The following CTTN variants were observed in gnomAD, a reference collection of about 807,000 sequenced individuals.
CTTN encodes the protein cortactin.
CTTN carries 28 observed loss-of-function variants against 84.0 expected under a neutral mutation model. The observed-to-expected ratio is 0.33, with a 90% CI of 0.25 to 0.46. The LOEUF is 0.46. CTTN is among the 20% of genes least tolerant of loss of function. The pLI is 1.00. For synonymous variants in CTTN, 301 were observed against 288.8 expected, an observed-to-expected ratio of 1.04 and a Z score of -0.43; for missense variants, 641 against 723.8, an observed-to-expected ratio of 0.89 and a Z score of 1.31.
intron 13 of CTTN, among the ~76,000 whole-genome samples, chr11:70,428,728 G>A (rs569282145): frequency 3.7e-4 from 56 of 152,378 alleles, no homozygotes; most frequent in Non-Finnish European, 5.1e-4. Flanking sequence ...GCTTTATCAA[G>A]GACAGATGTC....
intron 13 of CTTN, among the ~76,000 whole-genome samples, chr11:70,427,982 C>T (rs1416680062): frequency 6.6e-6 from 1 of 152,050 alleles, no homozygotes; most frequent in Non-Finnish European, 1.5e-5. Flanking sequence ...TGCCAGATAC[C>T]CAGCTTTGCA....
chr11:70,419,060 C>A (rs1393366168), intron 8 of CTTN, among the ~76,000 whole-genome samples: 1 of 151,290 alleles, frequency 6.6e-6, no homozygotes, highest in Non-Finnish European at 1.5e-5. Flanking sequence ...CAGGTGTGAG[C>A]CACTGTGTCC....
At chr11:70,408,238 GA>G (rs1483232825) in intron 4 of CTTN, 2 of 152,200 alleles carry the variant, frequency 1.3e-5, no homozygotes, top group Non-Finnish European at 2.9e-5. Flanking sequence ...CCCTGGCTGT[GA>G]AGGCAGCACC....
chr11:70,409,644 C>T (rs560608626), intron 4 of CTTN, among the ~76,000 whole-genome samples, 187 bp from the exon 5 acceptor site: 3 of 152,238 alleles, frequency 2.0e-5, no homozygotes, highest in South Asian at 2.1e-4. Flanking sequence ...TGCAGACTGC[C>T]GAAGTGGGTG....
intron 2 of CTTN, among the ~76,000 whole-genome samples, chr11:70,405,671 C>G (rs542973224): frequency 5.6e-4 from 86 of 152,302 alleles, no homozygotes; most frequent in Non-Finnish European, 1.0e-3. Flanking sequence ...GATTGTGAAG[C>G]TCGCAAGTGC....
chr11:70,419,495 T>C (rs2058203745), intron 8 of CTTN, among the ~76,000 whole-genome samples: 2 of 152,190 alleles, frequency 1.3e-5, no homozygotes, highest in Admixed American at 1.3e-4. Flanking sequence ...CTCCGCCTCC[T>C]GGGCTCAAGT....
At chr11:70,430,357 C>G (rs1216170793) in intron 14 of CTTN, among the ~76,000 whole-genome samples, 1 of 152,246 alleles carries the variant, frequency 6.6e-6, no homozygotes, top group Admixed American at 6.5e-5. Context: ...ACACACAGCA[C>G]ACAGCTAGTG....
Position 70,431,214 on chromosome 11 carries a change from A to G in CTTN, c.1200A>G (p.Gln400=). 1.2e-6 allele frequency: 2 copies of G among 1,614,096 alleles called. No individual in the cohort carries two copies. Among genetic ancestry groups the G allele is most frequent in the Non-Finnish European group, 1.7e-6 (2 of 1,180,004 alleles). Reference sequence around the variant, plus strand: ...AGGAGCAAGCCAGAGCCAAAACGCAAACGCCCCCTGTGTCGCCCGCACCTC... The same window carrying G: ...AGGAGCAAGCCAGAGCCAAAACGCAGACGCCCCCTGTGTCGCCCGCACCTC... ...KLEEQARAKT[Q]TPPVSPAPQP... is the part of the protein sequence containing the mutation. The change falls in exon 15 of 18, where the codon CAA becomes CAG. Residue 400 remains glutamine, a synonymous_variant. Transcript: ENST00000301843.
At chr11:70,402,108 G>A (rs1401298338) in intron 1 of CTTN, among the ~76,000 whole-genome samples, 3 of 152,264 alleles carry the variant, frequency 2.0e-5, no homozygotes, top group East Asian at 1.9e-4. Flanking sequence ...AGCCGAGATC[G>A]CGCTGTTGCA....
intron 1 of CTTN, among the ~76,000 whole-genome samples, chr11:70,405,006 A>C (rs1202760257): frequency 1.3e-5 from 2 of 152,260 alleles, no homozygotes; most frequent in East Asian, 3.8e-4. Context: ...CCATCTCAAA[A>C]AAAACAAAAC....
chr11:70,412,680 C>T (rs1185592511), intron 5 of CTTN, among the ~76,000 whole-genome samples: 4 of 152,166 alleles, frequency 2.6e-5, no homozygotes, highest in Non-Finnish European at 5.9e-5. Context: ...TTGCGGCCAG[C>T]GGTGGCTGCA....
rs111620330 is a variant in CTTN at position 70,419,938 on chromosome 11, G to A, written c.679+82G>A. On this transcript the variant is annotated intron_variant, in intron 9 of 17. Transcript: ENST00000301843. ...GCCACACCGGAAAAGGAAAAACAAA[G>A]CGTTATTGATAGCCCTTAACGTAGA... 6.7e-5 allele frequency: 72 copies of A among 1,069,140 alleles called. No individual in the cohort carries two copies. The African/African-American group carries it at 9.3e-4, about 14-fold the overall frequency. The allele number at this position is 1,069,140 out of a possible 1,614,324, so 66.2% of individuals were successfully genotyped here. A position where few individuals can be genotyped will look rare whatever the true frequency, so the allele number is the denominator to read the frequency against.
rs569383355 is a variant in CTTN at position 70,433,133 on chromosome 11, C to T, written c.1299C>T (p.Tyr433=). 16 of 1,613,904 alleles carry T rather than the reference C, an allele frequency of 9.9e-6. No individual in the cohort carries two copies. The African/African-American group carries it at 1.6e-4, about 16-fold the overall frequency. ...CTTCCTTCAAGGCAGAGCTGAGCTA[C>T]AGAGGCCCTGTGAGTGGGACGGAGC... ...DAASFKAELS[Y]RGPVSGTEPE... Residue 433 remains tyrosine, a synonymous_variant, in exon 16 of 18, where the codon TAC becomes TAT. Transcript: ENST00000301843.
In CTTN at chr11:70,435,974, A is replaced by G; in HGVS notation, c.*812A>G. ...CGGGCTTGGCTTTTCACAAAGGCTG[A>G]TGTCTTAACTGTCACCCATATGGTC... On this transcript the variant is annotated 3_prime_UTR_variant, in exon 18 of 18. Coordinates refer to ENST00000301843, the MANE Select transcript of CTTN (RefSeq NM_005231.4). 7.0e-7 allele frequency: 1 copy of G among 1,431,482 alleles called. No homozygotes were observed. The highest frequency in any genetic ancestry group is 9.1e-7 in the Non-Finnish European group (1 of 1,099,852). The allele number at this position is 1,431,482 out of a possible 1,614,324, so 88.7% of individuals were successfully genotyped here. A position where few individuals can be genotyped will look rare whatever the true frequency, so the allele number is the denominator to read the frequency against.
At chr11:70,421,249 A>G (rs936862109) in intron 10 of CTTN, among the ~76,000 whole-genome samples, 5 of 152,188 alleles carry the variant, frequency 3.3e-5, no homozygotes, top group African/African-American at 1.2e-4. Flanking sequence ...GCTGTTCCAG[A>G]TCTTCGCTGA....
At chr11:70,411,401 C>T (rs528343950) in intron 5 of CTTN, among the ~76,000 whole-genome samples, 2 of 122,342 alleles carry the variant, frequency 1.6e-5, no homozygotes, top group South Asian at 2.8e-4. Flanking sequence ...CACGGACAGA[C>T]GGAATCCGTG....
chr11:70,433,437 G>A (rs564412249), intron 16 of CTTN, among the ~76,000 whole-genome samples, 159 bp downstream of exon 16: 2 of 152,312 alleles, frequency 1.3e-5, no homozygotes, highest in African/African-American at 4.8e-5. Context: ...AAGTGCTCTA[G>A]GCACATTTGG....
At chr11:70,399,453 C>T (rs1006102275) in intron 1 of CTTN, among the ~76,000 whole-genome samples, 2 of 151,872 alleles carry the variant, frequency 1.3e-5, no homozygotes, top group Admixed American at 1.3e-4. Flanking sequence ...TGGGACGTGG[C>T]GGAGCAGCTG....
chr11:70,416,870 G>A (rs1457540532), intron 7 of CTTN, 143 bp from the exon 8 acceptor site: 4 of 673,702 alleles, frequency 5.9e-6, no homozygotes, highest in African/African-American at 1.8e-5. Context: ...GTATGGAGCA[G>A]TGGGTGGCTT....
Sources: allele counts gnomAD v4.1 joint callset (sites outside exome capture counted in the v4.1 genomes callset), GRCh38; gene constraint gnomAD v4.1.1; transcripts MANE v1.5; gene names NCBI Gene and HGNC (gene_info 2026-07-23, HGNC 2026-07-21).